BANK1: variants seen among roughly 807,000 people sequenced by gnomAD.
The protein encoded by BANK1 is B cell scaffold protein with ankyrin repeats 1.
A neutral mutation model predicts 94.5 loss-of-function variants in BANK1; 95 were observed. The ratio of observed to expected loss-of-function variants is 1.00; its 90% CI spans 0.85 to 1.19. The LOEUF is 1.19. Among genes scored for constraint, BANK1 ranks in the 50% most tolerant of loss-of-function variants. The pLI, the probability that BANK1 is intolerant of heterozygous loss-of-function variation, is 0.00. For missense variants in BANK1, 987 were observed against 932.2 expected (o/e 1.06, Z -0.77); for synonymous variants, 334 against 308.4 (o/e 1.08, Z -0.87).
chr4:101,959,032 T>A (rs887554786), intron 7 of BANK1, among the ~76,000 whole-genome samples: 5 of 152,238 alleles, frequency 3.3e-5, no homozygotes, highest in African/African-American at 4.8e-5. Context: ...AGCAAGAAAG[T>A]TGAAGGCAGA....
At chr4:101,933,575 A>C (rs570483610) in intron 7 of BANK1, among the ~76,000 whole-genome samples, 1 of 151,704 alleles carries the variant, frequency 6.6e-6, no homozygotes, top group South Asian at 2.1e-4. Flanking sequence ...AGTTATTTTA[A>C]AATATAATTT....
chr4:101,874,644 T>C (rs924207693), intron 5 of BANK1, among the ~76,000 whole-genome samples: 3 of 152,224 alleles, frequency 2.0e-5, no homozygotes, highest in African/African-American at 7.2e-5. Context: ...TCACACAGAC[T>C]GCAGGTTCCC....
At chr4:101,849,304 T>G (rs1727379159) in intron 2 of BANK1, among the ~76,000 whole-genome samples, 1 of 152,186 alleles carries the variant, frequency 6.6e-6, no homozygotes, top group Non-Finnish European at 1.5e-5. Context: ...GCTGGTCACT[T>G]CCTGGATCTC....
At chr4:101,823,756 GAAGA>G (rs1236359087) in intron 1 of BANK1, among the ~76,000 whole-genome samples, 1 of 152,206 alleles carries the variant, frequency 6.6e-6, no homozygotes, top group African/African-American at 2.4e-5. Context: ...CATCTTAAAA[GAAGA>G]AAGTGGAAAA....
intron 2 of BANK1, among the ~76,000 whole-genome samples, chr4:101,842,527 C>T (rs185478238): frequency 3.9e-3 from 598 of 152,164 alleles, no homozygotes; most frequent in Non-Finnish European, 6.3e-3. Context: ...GGAATGTGGA[C>T]CAAATACTTC....
intron 1 of BANK1, among the ~76,000 whole-genome samples, chr4:101,801,063 G>A (rs555156276): frequency 5.5e-4 from 83 of 152,274 alleles, no homozygotes; most frequent in African/African-American, 1.9e-3. Flanking sequence ...AATCTTACAT[G>A]TTTTCTATAT....
At chr4:101,826,580 T>A (rs2148861878) in intron 1 of BANK1, among the ~76,000 whole-genome samples, 1 of 152,116 alleles carries the variant, frequency 6.6e-6, no homozygotes, top group Admixed American at 6.5e-5. Context: ...ACCCTCCTCC[T>A]ACCGTTCCTC....
chr4:101,923,775 TA>T (rs567619509), intron 7 of BANK1, among the ~76,000 whole-genome samples: 9 of 151,956 alleles, frequency 5.9e-5, no homozygotes, highest in Non-Finnish European at 1.0e-4. Context: ...TCTGACTTCT[TA>T]GGCCAGAAAA....
chr4:102,045,059 G>A (rs896171783), intron 11 of BANK1, among the ~76,000 whole-genome samples: 1 of 151,726 alleles, frequency 6.6e-6, no homozygotes, highest in Non-Finnish European at 1.5e-5. Context: ...TGTCAATTTT[G>A]GCTTTTGTTG....
intron 7 of BANK1, among the ~76,000 whole-genome samples, chr4:101,925,981 T>C (rs1001761094): frequency 6.6e-6 from 1 of 151,772 alleles, no homozygotes; most frequent in African/African-American, 2.4e-5. Context: ...CATTGTCCTT[T>C]CAGAAGGAAA....
At chr4:101,906,073 T>C (rs1290614148) in intron 6 of BANK1, among the ~76,000 whole-genome samples, 1 of 152,152 alleles carries the variant, frequency 6.6e-6, no homozygotes, top group Non-Finnish European at 1.5e-5. Flanking sequence ...GTTATATTAA[T>C]TTGAGGTTGG....
At chr4:101,980,638 C>T (rs980919144) in intron 7 of BANK1, among the ~76,000 whole-genome samples, 1 of 151,860 alleles carries the variant, frequency 6.6e-6, no homozygotes, top group African/African-American at 2.4e-5. Flanking sequence ...TAAAATGTTA[C>T]TGGGATTGCT....
At chr4:101,998,389 T>C (rs897056747) in intron 7 of BANK1, among the ~76,000 whole-genome samples, 7 of 152,204 alleles carry the variant, frequency 4.6e-5, no homozygotes, top group Non-Finnish European at 4.4e-5. Flanking sequence ...AGAATGTATA[T>C]TCTGTTGATT....
chr4:101,868,003 A>G lies in BANK1; in HGVS notation c.764-2502A>G, dbSNP rs189121201. Among the ~76,000 whole-genome samples the G allele has an allele frequency of 6.5e-3, 994 of 151,884 alleles. 11 individuals carry two copies. Among genetic ancestry groups the G allele is most frequent in the African/African-American group, 0.023 (954 of 41,514 alleles). ...TTTAGTGAATAGTCTAAGAACGCCA[A>G]TTAAAAGACAGAGATTGCCAGAATG... is the stretch of plus-strand genomic sequence containing the variant. On this transcript the variant is annotated intron_variant, in intron 4 of 16. Transcript: ENST00000322953.
At chr4:102,060,503 C>G (rs1417460129) in intron 12 of BANK1, 114 bp downstream of exon 12, 18 of 1,119,238 alleles carry the variant, frequency 1.6e-5, no homozygotes, top group Non-Finnish European at 2.3e-5. Flanking sequence ...TTTAACTAGC[C>G]ACTAAGGAAG....
intron 7 of BANK1, among the ~76,000 whole-genome samples, chr4:101,959,200 C>T (rs938833972): frequency 5.3e-5 from 8 of 151,586 alleles, no homozygotes; most frequent in Middle Eastern, 3.4e-3. Flanking sequence ...AGTGCAATGG[C>T]GCAATTTCAG....
rs79997876 is a variant in BANK1, at chr4:101,795,155, T to C, written c.70+4205T>C. ...TTTTTGTTACAGGATCATGTCTAAT[T>C]TTCAGAGGAATAATATAGTGTCAAG... is the stretch of plus-strand genomic sequence containing the variant. On this transcript the variant is annotated intron_variant, in intron 1 of 16. Coordinates refer to ENST00000322953, the MANE Select transcript of BANK1 (RefSeq NM_017935.5). Among the ~76,000 whole-genome samples, 983 of 152,224 alleles carry C rather than the reference T, an allele frequency of 6.5e-3. 13 individuals carry two copies. Among genetic ancestry groups the C allele is most frequent in the African/African-American group, 0.023 (955 of 41,548 alleles).
chr4:101,841,104 T>A (rs1727028959), intron 2 of BANK1, among the ~76,000 whole-genome samples: 1 of 152,124 alleles, frequency 6.6e-6, no homozygotes. Flanking sequence ...GGGATTGCGG[T>A]CATGAGCCAC....
chr4:101,921,432 A>G (rs1722993044), intron 7 of BANK1, among the ~76,000 whole-genome samples: 1 of 151,932 alleles, frequency 6.6e-6, no homozygotes, highest in Non-Finnish European at 1.5e-5. Context: ...TTATCTCTTA[A>G]ATAAAACGTG....
Sources: allele counts gnomAD v4.1 joint callset (sites outside exome capture counted in the v4.1 genomes callset), GRCh38; gene constraint gnomAD v4.1.1; transcripts MANE v1.5; gene names NCBI Gene and HGNC (gene_info 2026-07-23, HGNC 2026-07-21).